Variants in BRIP1 observed in about 807,000 individuals in gnomAD.
BRIP1 encodes Fanconi anemia group J protein.
A neutral mutation model predicts 119.7 loss-of-function variants in BRIP1; 88 were observed. The ratio of observed to expected loss-of-function variants is 0.74; its 90% confidence interval spans 0.62 to 0.88. The LOEUF is 0.88. Ranked by LOEUF, BRIP1 falls within the 40% of genes least tolerant of loss-of-function variation. The probability of loss-of-function intolerance (pLI) is 0.00; values close to 1 mark genes in which losing one functional copy is unlikely to be tolerated. For synonymous variants in BRIP1, 443 were observed against 496.5 expected, an observed-to-expected ratio of 0.89 and a Z score of 1.43; for missense variants, 1,259 against 1,455.4, an observed-to-expected ratio of 0.87 and a Z score of 2.20.
intron 8 of BRIP1, among the ~76,000 whole-genome samples, chr17:61,800,104 C>T (rs151093435): frequency 1.3e-5 from 2 of 152,204 alleles, no homozygotes; most frequent in East Asian, 3.9e-4. Context: ...TTATGGTTAT[C>T]TTTGTTCCAT....
chr17:61,791,697 C>A (rs1440211446), intron 10 of BRIP1, among the ~76,000 whole-genome samples: 2 of 151,940 alleles, frequency 1.3e-5, no homozygotes, highest in African/African-American at 4.8e-5. Context: ...ACCTACATCA[C>A]CCCTGCCCCA....
At chr17:61,819,088 A>C (rs2078281054) in intron 6 of BRIP1, among the ~76,000 whole-genome samples, 1 of 151,800 alleles carries the variant, frequency 6.6e-6, no homozygotes, top group Admixed American at 6.6e-5. Context: ...CAGGAGGCTG[A>C]GGCAGGAGAA....
intron 17 of BRIP1, among the ~76,000 whole-genome samples, chr17:61,711,144 G>C (rs2061767272): frequency 6.6e-6 from 1 of 151,764 alleles, no homozygotes; most frequent in Non-Finnish European, 1.5e-5. Context: ...GTGATTGGTA[G>C]AAGAATCAAA....
In BRIP1 at chr17:61,743,181, A is replaced by C. The variant is rs1373675989; in HGVS notation, c.2258-47T>G. 6.3e-7 allele frequency: 1 copy of C among 1,598,270 alleles called. No homozygotes were observed. ...TATCCAAAATTCTCAGAAATTGCTT[A>C]TTCTTGTCATTTTGAAAATACCTGA... On this transcript the variant is annotated intron_variant, in intron 15 of 19. Coordinates refer to ENST00000259008, the MANE Select transcript of BRIP1 (RefSeq NM_032043.3). This position sits in a 1 kb window ranked among gnomAD's most constrained non-coding sequence, Gnocchi z 4.3.
chr17:61,735,334 A>G lies in BRIP1; in HGVS notation c.2379+7679T>C, dbSNP rs1480035463. Among the ~76,000 whole-genome samples, 1 of 151,932 alleles carries G rather than the reference A, an allele frequency of 6.6e-6. No homozygotes were observed. The highest frequency in any genetic ancestry group is 1.5e-5 in the Non-Finnish European group (1 of 67,980). On this transcript the variant is annotated intron_variant, in intron 16 of 19. Transcript: ENST00000259008. The surrounding 1 kb of genome is among the most constrained non-coding windows in gnomAD (Gnocchi z 4.4). The stretch of plus-strand genomic sequence containing the variant: ...GTTATTCCCATGATTTTTTAATTTT[A>G]TTTTTTTCCTCACAATTTTATTAAG...
chr17:61,680,480 C>CTTTCTTTTTTT lies in BRIP1; in HGVS notation c.*2815_*2816insAAAAAAAGAAA, dbSNP rs1555571892. On this transcript the variant is annotated 3_prime_UTR_variant, in exon 20 of 20. Coordinates refer to ENST00000259008, the MANE Select transcript of BRIP1 (RefSeq NM_032043.3). ...AGTTTACCAATTCTAAAGGTAATTT[C>CTTTCTTTTTTT]TTTTTTTTTTTTTTTTTGAGACGGA... 1.5e-4 allele frequency among the ~76,000 whole-genome samples: 19 copies of CTTTCTTTTTTT among 124,086 alleles called. 3 individuals carry two copies. Among genetic ancestry groups the CTTTCTTTTTTT allele is most frequent in the South Asian group, 1.0e-3 (4 of 3,972 alleles). The allele number at this position is 124,086 out of a possible 152,430, so 81.4% of individuals were successfully genotyped here.
intron 6 of BRIP1, among the ~76,000 whole-genome samples, chr17:61,818,645 A>G (rs571933774): frequency 5.3e-5 from 8 of 152,140 alleles, no homozygotes; most frequent in Non-Finnish European, 1.0e-4. Flanking sequence ...AGCTGCCTAA[A>G]AACTTTTCAT....
intron 4 of BRIP1, among the ~76,000 whole-genome samples, chr17:61,850,362 A>T (rs573647970): frequency 2.0e-4 from 30 of 151,878 alleles, no homozygotes; most frequent in African/African-American, 7.2e-4. Context: ...TAGCCTCCCA[A>T]AGTGCTGGGA....
intron 17 of BRIP1, among the ~76,000 whole-genome samples, chr17:61,712,746 A>G (rs2061797921): frequency 6.6e-6 from 1 of 152,004 alleles, no homozygotes; most frequent in Non-Finnish European, 1.5e-5. Context: ...TCTACTAAGA[A>G]TACAAAAATT....
chr17:61,699,917 T>C lies in BRIP1; in HGVS notation c.2493-6405A>G, dbSNP rs1282786807. The stretch of plus-strand genomic sequence containing the variant: ...TCTGATTGGAAATATTTGACACATG[T>C]TGCCACAACTCATTGCTCGGGGAAG... On this transcript the variant is annotated intron_variant, in intron 17 of 19. Coordinates refer to ENST00000259008, the MANE Select transcript of BRIP1 (RefSeq NM_032043.3). The surrounding 1 kb of genome is among the most constrained non-coding windows in gnomAD (Gnocchi z 4.8). 6.6e-6 allele frequency among the ~76,000 whole-genome samples: 1 copy of C among 152,210 alleles called. No individual in the cohort carries two copies. The highest frequency in any genetic ancestry group is 1.5e-5 in the Non-Finnish European group (1 of 68,040).
chr17:61,773,800 G>C (rs1170725769), intron 14 of BRIP1, among the ~76,000 whole-genome samples: 1 of 152,120 alleles, frequency 6.6e-6, no homozygotes, highest in Non-Finnish European at 1.5e-5. Context: ...CTTCTCAAAA[G>C]AAGACATTTA....
Position 61,808,080 on chromosome 17 carries a change from T to C in BRIP1, c.918+387A>G, listed in dbSNP as rs1376114425. 6.6e-6 allele frequency among the ~76,000 whole-genome samples: 1 copy of C among 152,184 alleles called. No homozygotes were observed. The highest frequency in any genetic ancestry group is 2.1e-4 in the South Asian group (1 of 4,828). Reference sequence around the variant, plus strand: ...GCCCAGACAGCCTAAATAAACTATCTGCTTTTGAAGTTTTTAAGTATATAA... The same window carrying C: ...GCCCAGACAGCCTAAATAAACTATCCGCTTTTGAAGTTTTTAAGTATATAA... On this transcript the variant is annotated intron_variant, in intron 7 of 19. Coordinates refer to ENST00000259008, the MANE Select transcript of BRIP1 (RefSeq NM_032043.3). The surrounding 1 kb of genome is among the most constrained non-coding windows in gnomAD (Gnocchi z 4.1).
At position 61,742,707 on chromosome 17, in the gene BRIP1, G is replaced by A. The variant is rs9904294; in HGVS notation, c.2379+306C>T. ...CTCTTATGTGGGTACAGTATGAGAT[G>A]CCCCAAAACAATTACAATAGTAACA... On this transcript the variant is annotated intron_variant, in intron 16 of 19. Transcript: ENST00000259008. This position sits in a 1 kb window ranked among gnomAD's most constrained non-coding sequence, Gnocchi z 4.7. Among the ~76,000 whole-genome samples the A allele has an allele frequency of 0.73, 110,597 of 151,972 alleles. 40,881 individuals are homozygous for A. Among genetic ancestry groups the A allele is most frequent in the Middle Eastern group, 0.81 (239 of 294 alleles).
Position 61,761,351 on chromosome 17 carries a change from A to T in BRIP1, c.2097+15050T>A, listed in dbSNP as rs1299356537. Among the ~76,000 whole-genome samples the T allele has an allele frequency of 1.3e-5, 2 of 152,050 alleles. No homozygotes were observed. Among genetic ancestry groups the T allele is most frequent in the Non-Finnish European group, 2.9e-5 (2 of 67,952 alleles). On this transcript the variant is annotated intron_variant, in intron 14 of 19. Coordinates refer to ENST00000259008, the MANE Select transcript of BRIP1 (RefSeq NM_032043.3). The surrounding 1 kb of genome is among the most constrained non-coding windows in gnomAD (Gnocchi z 6.4). The stretch of plus-strand genomic sequence containing the variant: ...AGCCTTACCTCTAAGATCTGGAACA[A>T]GACAAGGATGCCCACTTTCACTATG...
chr17:61,862,391 C>A lies in BRIP1; in HGVS notation c.-30-822G>T, dbSNP rs2078984576. On this transcript the variant is annotated intron_variant, in intron 1 of 19. Coordinates refer to ENST00000259008, the MANE Select transcript of BRIP1 (RefSeq NM_032043.3). The surrounding 1 kb of genome is among the most constrained non-coding windows in gnomAD (Gnocchi z 5.3). ...ACTTAACTTCTCAGAGCTTGTTTCTCCATATATGGAATTGAAATACTACTA... is the reference window on the plus strand; with the variant it reads ...ACTTAACTTCTCAGAGCTTGTTTCTACATATATGGAATTGAAATACTACTA... Among the ~76,000 whole-genome samples the A allele has an allele frequency of 6.6e-6, 1 of 152,114 alleles. No homozygotes were observed. Among genetic ancestry groups the A allele is most frequent in the Admixed American group, 6.5e-5 (1 of 15,276 alleles).
At position 61,808,407 on chromosome 17, in the gene BRIP1, C is replaced by G. The variant is rs1473049497; in HGVS notation, c.918+60G>C. The G allele has an allele frequency of 5.3e-6, 8 of 1,499,516 alleles. No individual in the cohort carries two copies. Among genetic ancestry groups the G allele is most frequent in the Non-Finnish European group, 7.4e-6 (8 of 1,079,286 alleles). 92.9% of individuals were successfully genotyped at this position (1,499,516 alleles called of 1,614,324 possible). A position where few individuals can be genotyped will look rare whatever the true frequency, so the allele number is the denominator to read the frequency against. ...CTAAAATGTACATATAAAACACATA[C>G]TGAGTAATTTAAATATTTTCAGCCT... On this transcript the variant is annotated intron_variant, in intron 7 of 19. Transcript: ENST00000259008. This position sits in a 1 kb window ranked among gnomAD's most constrained non-coding sequence, Gnocchi z 4.1.
intron 17 of BRIP1, among the ~76,000 whole-genome samples, 174 bp downstream of exon 17, chr17:61,715,777 T>C (rs1455518567): frequency 6.6e-6 from 1 of 152,250 alleles, no homozygotes; most frequent in Non-Finnish European, 1.5e-5. Flanking sequence ...AACTTATTCT[T>C]CTTACTCTTT....
chr17:61,808,674 A>G lies in BRIP1; in HGVS notation c.711T>C (p.His237=), dbSNP rs772048413. ...TTTTGGGTATCTTGGATTTCCCTGT[A>G]TGATCCTTCTTAATGGTATTCGATG... ...QESSNTIKKD[H]TGKSKIPKIY... Residue 237 remains histidine, a synonymous_variant, in exon 7 of 20, where the codon CAT becomes CAC. Coordinates refer to ENST00000259008, the MANE Select transcript of BRIP1 (RefSeq NM_032043.3). This position sits in a 1 kb window ranked among gnomAD's most constrained non-coding sequence, Gnocchi z 4.1. 2 of 1,613,904 alleles carry G rather than the reference A, an allele frequency of 1.2e-6. No individual in the cohort carries two copies. The highest frequency in any genetic ancestry group is 1.7e-6 in the Non-Finnish European group (2 of 1,179,822).
In BRIP1 at chr17:61,693,574, T is replaced by G; in HGVS notation, c.2493-62A>C. On this transcript the variant is annotated intron_variant, in intron 17 of 19. Coordinates refer to ENST00000259008, the MANE Select transcript of BRIP1 (RefSeq NM_032043.3). This position sits in a 1 kb window ranked among gnomAD's most constrained non-coding sequence, Gnocchi z 4.2. ...ATCGGAAATAAATCCAGTTTTCCAG[T>G]GGGACAGACAGAAAATTGGAAAAAA... 1 of 1,385,166 alleles carries G rather than the reference T, an allele frequency of 7.2e-7. No individual in the cohort carries two copies. The highest frequency in any genetic ancestry group is 1.0e-6 in the Non-Finnish European group (1 of 976,228). The allele number at this position is 1,385,166 out of a possible 1,614,324, so 85.8% of individuals were successfully genotyped here.
Sources: gnomAD v4.1 joint callset for allele counts (sites outside exome capture counted in the v4.1 genomes callset) on GRCh38, gnomAD v4.1.1 for gene constraint, Gnocchi (gnomAD v3.1) non-coding constraint, MANE v1.5 for transcripts, NCBI Gene and HGNC (gene_info 2026-07-23, HGNC 2026-07-21) for gene names.